The following SUPT3H variants were observed in gnomAD, a reference collection of about 807,000 sequenced individuals.
SUPT3H encodes SPT3 homolog, SAGA and STAGA complex component, also known as transcription initiation protein SPT3 homolog.
A neutral mutation model predicts 44.3 loss-of-function variants in SUPT3H; 44 were observed. That is an observed-to-expected ratio of 0.99 (90% CI 0.78 to 1.28). The LOEUF is 1.28. Ranked by LOEUF, SUPT3H falls within the 50% of genes most tolerant of loss-of-function variation. SUPT3H has a pLI of 0.00. For missense variants in SUPT3H, 380 were observed against 387.1 expected (o/e 0.98, Z 0.15); for synonymous variants, 124 against 125.6 (o/e 0.99, Z 0.09).
At chr6:45,019,278 T>C (rs1258397531) in intron 4 of SUPT3H, among the ~76,000 whole-genome samples, 2 of 152,114 alleles carry the variant, frequency 1.3e-5, no homozygotes, top group African/African-American at 2.4e-5. Flanking sequence ...ATCAGTTTTG[T>C]TGATCCTTTC....
chr6:45,164,134 G>C (rs1434800425), intron 2 of SUPT3H, among the ~76,000 whole-genome samples: 4 of 152,120 alleles, frequency 2.6e-5, no homozygotes, highest in African/African-American at 4.8e-5. Flanking sequence ...GCCCACCAGA[G>C]GACAGAGCTG....
At chr6:45,359,039 T>A (rs1290529561) in intron 2 of SUPT3H, among the ~76,000 whole-genome samples, 1 of 152,190 alleles carries the variant, frequency 6.6e-6, no homozygotes, top group Non-Finnish European at 1.5e-5. Flanking sequence ...TACCTGAATT[T>A]CAAGAATTCA....
chr6:45,287,625 G>A (rs1779537134), intron 2 of SUPT3H, among the ~76,000 whole-genome samples: 1 of 152,190 alleles, frequency 6.6e-6, no homozygotes, highest in Non-Finnish European at 1.5e-5. Context: ...GGAAGGAGCA[G>A]TTATTGTTTA....
chr6:45,047,130 T>C (rs920915281), intron 3 of SUPT3H, among the ~76,000 whole-genome samples: 2 of 152,238 alleles, frequency 1.3e-5, no homozygotes, highest in African/African-American at 4.8e-5. Flanking sequence ...TCTAGCTATA[T>C]GATTATGTTT....
chr6:45,276,803 A>C (rs1006893712), intron 2 of SUPT3H, among the ~76,000 whole-genome samples: 2 of 152,194 alleles, frequency 1.3e-5, no homozygotes, highest in Admixed American at 6.6e-5. Flanking sequence ...ACCATCATAC[A>C]CACATGACCA....
intron 2 of SUPT3H, among the ~76,000 whole-genome samples, chr6:45,270,528 G>A (rs1775947287): frequency 6.6e-6 from 1 of 152,192 alleles, no homozygotes. Context: ...AGCCAACCAT[G>A]TAGCACGGGA....
chr6:45,352,663 CCTAG>C (rs1792301744), intron 2 of SUPT3H, among the ~76,000 whole-genome samples: 1 of 152,036 alleles, frequency 6.6e-6, no homozygotes, highest in South Asian at 2.1e-4. Context: ...AGCAACTGTA[CCTAG>C]TATTCTGTTT....
intron 3 of SUPT3H, among the ~76,000 whole-genome samples, chr6:45,100,129 T>C (rs948978533): frequency 6.6e-6 from 1 of 152,176 alleles, no homozygotes; most frequent in Admixed American, 6.5e-5. Flanking sequence ...ACCAAAACTT[T>C]AAGCTACTAG....
chr6:45,255,619 C>T (rs1041156523), intron 2 of SUPT3H, among the ~76,000 whole-genome samples: 19 of 151,766 alleles, frequency 1.3e-4, no homozygotes, highest in Admixed American at 2.6e-4. Context: ...AATGGGGTCT[C>T]ACTATGTTGC....
At chr6:44,844,336 T>C (rs759240360) in intron 10 of SUPT3H, among the ~76,000 whole-genome samples, 77 of 152,320 alleles carry the variant, frequency 5.1e-4, no homozygotes, top group Middle Eastern at 3.4e-3. Flanking sequence ...AAAGCTTTCT[T>C]AGCTAACATA....
At chr6:44,868,240 T>C (rs1775810697) in intron 10 of SUPT3H, among the ~76,000 whole-genome samples, 1 of 152,216 alleles carries the variant, frequency 6.6e-6, no homozygotes, top group Admixed American at 6.5e-5. Flanking sequence ...TTTCCCTTCC[T>C]CTTAACAAGT....
At chr6:45,176,693 G>C (rs890189100) in intron 2 of SUPT3H, among the ~76,000 whole-genome samples, 12 of 152,334 alleles carry the variant, frequency 7.9e-5, no homozygotes, top group Non-Finnish European at 1.2e-4. Context: ...GCTTTGAAGA[G>C]AGCAGTGGTT....
Position 45,100,195 on chromosome 6 carries a change from A to G in SUPT3H, c.186+5727T>C, listed in dbSNP as rs145426025. On this transcript the variant is annotated intron_variant, in intron 3 of 10. Transcript: ENST00000371459. ...TTGTTCTGGGAAAATATTTCATGAAATGGAACTCAAAAGTACAGGCAACAA... is the reference window on the plus strand; with the variant it reads ...TTGTTCTGGGAAAATATTTCATGAAGTGGAACTCAAAAGTACAGGCAACAA... Among the ~76,000 whole-genome samples the G allele has an allele frequency of 2.0e-5, 3 of 152,260 alleles. No individual in the cohort carries two copies. In the East Asian group the frequency reaches 5.8e-4, roughly 29 times the overall value.
intron 4 of SUPT3H, among the ~76,000 whole-genome samples, chr6:45,019,373 T>C (rs947452548): frequency 2.0e-5 from 3 of 152,136 alleles, no homozygotes; most frequent in Non-Finnish European, 4.4e-5. Context: ...ATTTTAGTTA[T>C]TTCTTGCCTT....
At chr6:44,974,621 G>A (rs1019092010) in intron 6 of SUPT3H, among the ~76,000 whole-genome samples, 3 of 152,066 alleles carry the variant, frequency 2.0e-5, no homozygotes, top group Admixed American at 1.3e-4. Flanking sequence ...CCCACACACC[G>A]GACAAAGTGA....
chr6:44,816,561 TAAC>T (rs56377407), intron 11 of SUPT3H, among the ~76,000 whole-genome samples: 1 of 151,734 alleles, frequency 6.6e-6, no homozygotes, highest in East Asian at 1.9e-4. Context: ...TACGGAATTT[TAAC>T]AACAACAACA....
At position 44,910,698 on chromosome 6, in the gene SUPT3H, A is replaced by T. The variant is rs560460753; in HGVS notation, c.912+21955T>A. Among the ~76,000 whole-genome samples, 5 of 2,528 alleles carry T rather than the reference A, an allele frequency of 2.0e-3. No homozygotes were observed. In the East Asian group the frequency reaches 0.42, roughly 211 times the overall value. 1.7% of individuals were successfully genotyped at this position (2,528 alleles called of 152,430 possible). On this transcript the variant is annotated intron_variant, in intron 10 of 10. Coordinates refer to ENST00000371459, the MANE Select transcript of SUPT3H (RefSeq NM_003599.4). ...AGAAAATGTATTTTCTTTCAAATTAAAAAAAAAAAAGGGGGCCAGGCATGG... is the reference window on the plus strand; with the variant it reads ...AGAAAATGTATTTTCTTTCAAATTATAAAAAAAAAAGGGGGCCAGGCATGG...
chr6:44,912,584 G>A (rs1767225559), intron 10 of SUPT3H, among the ~76,000 whole-genome samples: 3 of 152,176 alleles, frequency 2.0e-5, no homozygotes, highest in Admixed American at 2.0e-4. Flanking sequence ...ACCTGGGGCA[G>A]GAGTCCTTCT....
intron 3 of SUPT3H, among the ~76,000 whole-genome samples, chr6:45,069,462 T>C (rs938610723): frequency 2.0e-4 from 30 of 152,150 alleles, no homozygotes; most frequent in African/African-American, 6.8e-4. Flanking sequence ...GGTCCTAATA[T>C]TACTTAGATT....
Sources: allele counts gnomAD v4.1 joint callset (sites outside exome capture counted in the v4.1 genomes callset), GRCh38; gene constraint gnomAD v4.1.1; transcripts MANE v1.5; gene names NCBI Gene and HGNC (gene_info 2026-07-23, HGNC 2026-07-21).